Variants in TEAD1 observed in about 807,000 individuals in gnomAD.
TEAD1 encodes the protein TEA domain transcription factor 1, also known as transcriptional enhancer factor TEF-1.
In TEAD1, 9 loss-of-function variants were observed where a neutral mutation model predicts 54.9. The ratio of observed to expected loss-of-function variants is 0.16; its 90% CI spans 0.10 to 0.29. The LOEUF is 0.29. Ranked by LOEUF, TEAD1 falls within the 10% of genes least tolerant of loss-of-function variation. TEAD1 has a pLI of 1.00. For synonymous variants in TEAD1, 200 were observed against 187.8 expected, an observed-to-expected ratio of 1.07 and a Z score of -0.53; for missense variants, 387 against 535.9, an observed-to-expected ratio of 0.72 and a Z score of 2.74.
intron 5 of TEAD1, among the ~76,000 whole-genome samples, chr11:12,871,546 G>C (rs556710811): frequency 6.6e-6 from 1 of 152,206 alleles, no homozygotes; most frequent in South Asian, 2.1e-4. Flanking sequence ...GAGTCTCTTT[G>C]CCTGTATGTT....
intron 3 of TEAD1, among the ~76,000 whole-genome samples, chr11:12,801,107 T>C (rs1448245619): frequency 6.6e-6 from 1 of 152,250 alleles, no homozygotes; most frequent in African/African-American, 2.4e-5. Context: ...GGGCTTGGGC[T>C]GAAAGCCTTA....
chr11:12,719,972 T>G (rs1944154658), intron 2 of TEAD1, among the ~76,000 whole-genome samples: 1 of 65,564 alleles, frequency 1.5e-5, no homozygotes, highest in Non-Finnish European at 2.6e-5. Context: ...TTTTTTTTTT[T>G]TTTTTTTTTT....
intron 3 of TEAD1, among the ~76,000 whole-genome samples, chr11:12,814,267 C>T (rs1169305539): frequency 6.6e-6 from 1 of 152,194 alleles, no homozygotes; most frequent in Non-Finnish European, 1.5e-5. Context: ...CCTCTGTCCT[C>T]AGTGATGGAG....
intron 3 of TEAD1, among the ~76,000 whole-genome samples, chr11:12,825,558 G>C (rs925860305): frequency 6.6e-6 from 1 of 152,158 alleles, no homozygotes; most frequent in Admixed American, 6.5e-5. Flanking sequence ...TGGATTGGAA[G>C]ACTCAATATT....
chr11:12,866,532 A>G (rs748335417), intron 5 of TEAD1, among the ~76,000 whole-genome samples: 44 of 152,238 alleles, frequency 2.9e-4, no homozygotes, highest in Non-Finnish European at 4.7e-4. Context: ...ATACATGTAC[A>G]TATGTAAAAA....
At chr11:12,750,228 C>G (rs983199018) in intron 2 of TEAD1, among the ~76,000 whole-genome samples, 1 of 152,028 alleles carries the variant, frequency 6.6e-6, no homozygotes, top group Non-Finnish European at 1.5e-5. Context: ...ATGTTGGGCT[C>G]GAGTGTGACC....
chr11:12,711,219 G>T (rs1293020844), intron 2 of TEAD1, among the ~76,000 whole-genome samples: 1 of 152,160 alleles, frequency 6.6e-6, no homozygotes, highest in Non-Finnish European at 1.5e-5. Flanking sequence ...GGGAAGAGGT[G>T]ATCAGGCCGT....
intron 3 of TEAD1, among the ~76,000 whole-genome samples, chr11:12,829,554 C>G (rs777352443): frequency 2.6e-5 from 4 of 152,190 alleles, no homozygotes; most frequent in Admixed American, 6.5e-5. Flanking sequence ...TTTATTCTTG[C>G]TGACTTGGAA....
intron 2 of TEAD1, among the ~76,000 whole-genome samples, chr11:12,731,245 A>C (rs574688579): frequency 3.3e-5 from 5 of 152,326 alleles, no homozygotes; most frequent in Admixed American, 3.3e-4. Context: ...AATCTAAAAT[A>C]ATTTTTCTTA....
At chr11:12,780,015 T>G (rs1249855120) in intron 3 of TEAD1, among the ~76,000 whole-genome samples, 4 of 152,168 alleles carry the variant, frequency 2.6e-5, no homozygotes, top group Admixed American at 2.6e-4. Flanking sequence ...GACAAGGATG[T>G]CTGCTTTTAC....
At chr11:12,841,488 A>G (rs1947040274) in intron 3 of TEAD1, among the ~76,000 whole-genome samples, 1 of 152,162 alleles carries the variant, frequency 6.6e-6, no homozygotes, top group African/African-American at 2.4e-5. Flanking sequence ...TCAATGGGGA[A>G]TGTCGGTTTC....
intron 5 of TEAD1, among the ~76,000 whole-genome samples, chr11:12,871,583 C>G (rs1349041582): frequency 6.6e-6 from 1 of 152,036 alleles, no homozygotes; most frequent in Non-Finnish European, 1.5e-5. Context: ...TTGTTCAGAC[C>G]CTGCTCAGAG....
chr11:12,732,193 T>A (rs1274903180), intron 2 of TEAD1, among the ~76,000 whole-genome samples: 1 of 152,170 alleles, frequency 6.6e-6, no homozygotes, highest in Non-Finnish European at 1.5e-5. Context: ...GAATAGACTC[T>A]ATCATCCTTC....
At chr11:12,882,057 C>A in intron 8 of TEAD1, 100 bp downstream of exon 8, 1 of 1,298,626 alleles carries the variant, frequency 7.7e-7, no homozygotes, top group Non-Finnish European at 1.1e-6. Context: ...TCAACTTTGC[C>A]ACAGCCGCAC....
chr11:12,682,911 T>C (rs1943254086), intron 2 of TEAD1, among the ~76,000 whole-genome samples: 1 of 152,152 alleles, frequency 6.6e-6, no homozygotes, highest in Non-Finnish European at 1.5e-5. Flanking sequence ...TTTTTGAAAT[T>C]GGGATGTGTT....
chr11:12,817,121 A>T (rs1946432354), intron 3 of TEAD1, among the ~76,000 whole-genome samples: 1 of 152,198 alleles, frequency 6.6e-6, no homozygotes, highest in South Asian at 2.1e-4. Flanking sequence ...TTGTTTCTTC[A>T]GGCCTTGCGC....
At chr11:12,758,335 G>A (rs990697612) in intron 2 of TEAD1, among the ~76,000 whole-genome samples, 2 of 151,352 alleles carry the variant, frequency 1.3e-5, no homozygotes, top group Admixed American at 6.6e-5. Flanking sequence ...CCGCCTCCTG[G>A]GTTTGAGTAA....
At position 12,758,022 on chromosome 11, in the gene TEAD1, C is replaced by T. The variant is rs1277273202; in HGVS notation, c.-54-6157C>T. Reference sequence around the variant, plus strand: ...CTTGAACTCCTGACCTCAGGTGATCCTCCCACCTTGGCCTCCCAAAGTGCT... The same window carrying T: ...CTTGAACTCCTGACCTCAGGTGATCTTCCCACCTTGGCCTCCCAAAGTGCT... On this transcript the variant is annotated intron_variant, in intron 2 of 12. Transcript: ENST00000527636. Among the ~76,000 whole-genome samples the T allele has an allele frequency of 2.0e-5, 3 of 152,244 alleles. No homozygotes were observed. The East Asian group carries it at 5.8e-4, about 29-fold the overall frequency.
chr11:12,924,357 G>A (rs1015696097), intron 10 of TEAD1, among the ~76,000 whole-genome samples: 1 of 152,170 alleles, frequency 6.6e-6, no homozygotes, highest in African/African-American at 2.4e-5. Flanking sequence ...CCCGTACATT[G>A]TCTAGCATGA....
Sources: allele counts gnomAD v4.1 joint callset (sites outside exome capture counted in the v4.1 genomes callset), GRCh38; gene constraint gnomAD v4.1.1; transcripts MANE v1.5; gene names NCBI Gene and HGNC (gene_info 2026-07-23, HGNC 2026-07-21).